Variants in RPL10 observed in about 807,000 individuals in gnomAD.
RPL10 encodes large ribosomal subunit protein uL16.
RPL10 carries 1 observed loss-of-function variant against 15.7 expected under a neutral mutation model. That is an observed-to-expected ratio of 0.06 (90% CI 0.02 to 0.30). The LOEUF (loss-of-function observed/expected upper bound fraction) is 0.30. Ranked by LOEUF, RPL10 falls within the 10% of genes least tolerant of loss-of-function variation. The pLI is 1.00. For synonymous variants in RPL10, 59 were observed against 64.0 expected (o/e 0.92, Z 0.37); for missense variants, 54 against 183.4 (o/e 0.29, Z 4.08).
intron 2 of RPL10, 25 bp downstream of exon 2, chrX:154,398,567 C>A: frequency 8.3e-7 from 1 of 1,210,394 alleles, no homozygotes; most frequent in Non-Finnish European, 1.1e-6. Flanking sequence ...CGTGTACTTT[C>A]ACTGCTGGGA....
chrX:154,398,457 G>A, intron 1 of RPL10, 40 bp from the exon 2 acceptor site: 1 of 1,197,922 alleles, frequency 8.3e-7, no homozygotes, highest in Non-Finnish European at 1.1e-6. Flanking sequence ...TTTTAGGTCT[G>A]TTCTCGTCTT....
Position 154,398,545 on chromosome X carries a change from G to A in RPL10, c.23+3G>A, listed in dbSNP as rs782609851. 2.5e-6 allele frequency: 3 copies of A among 1,211,461 alleles called. No homozygotes were observed. The South Asian group carries it at 5.3e-5, about 21-fold the overall frequency. On this transcript the variant is annotated splice_donor_region_variant and intron_variant, in intron 2 of 6. Coordinates refer to ENST00000369817, the MANE Select transcript of RPL10 (RefSeq NM_006013.5). ...ATGGGCCGCCGCCCCGCCCGTTGGT[G>A]AGTCTTGAATCCGTGTACTTTCACT... is the stretch of plus-strand genomic sequence containing the variant.
At chrX:154,399,964 A>G (rs1252439853) in intron 5 of RPL10, 23 bp downstream of exon 5, 9 of 1,208,344 alleles carry the variant, frequency 7.4e-6, no homozygotes, top group Middle Eastern at 4.6e-4. Flanking sequence ...TGGGCCTTTT[A>G]AGGCAGTTGG....
Position 154,402,003 on chromosome X carries a change from TCA to T in RPL10, c.*1154_*1155del, listed in dbSNP as rs2068051061. The T allele has an allele frequency of 8.9e-6, 1 of 111,906 alleles. No individual in the cohort carries two copies. Among genetic ancestry groups the T allele is most frequent in the African/African-American group, 3.3e-5 (1 of 30,645 alleles). 9.2% of individuals were successfully genotyped at this position (111,906 alleles called of 1,213,427 possible). A position where few individuals can be genotyped will look rare whatever the true frequency, so the allele number is the denominator to read the frequency against. ...CAGCCCCTTTCCGGGACACCTGGGT[TCA>T]CACAGCTTTTTAGCTTACATAACTG... On this transcript the variant is annotated 3_prime_UTR_variant, in exon 7 of 7. Coordinates refer to ENST00000369817, the MANE Select transcript of RPL10 (RefSeq NM_006013.5).
rs189433610 is a variant in RPL10 at position 154,400,953 on chromosome X, T to A, written c.*99T>A. 3.5e-3 allele frequency: 4,175 copies of A among 1,186,017 alleles called. 21 individuals carry two copies. Among genetic ancestry groups the A allele is most frequent in the Non-Finnish European group, 3.4e-3 (3,025 of 882,626 alleles). ...TCTACATTCTTGACGGGGAAGGAAC[T>A]TCCTCTGGGAACCTTTGGGTCATTG... is the stretch of plus-strand genomic sequence containing the variant. On this transcript the variant is annotated 3_prime_UTR_variant, in exon 7 of 7. Coordinates refer to ENST00000369817, the MANE Select transcript of RPL10 (RefSeq NM_006013.5).
At chrX:154,398,294 T>C (rs782612068), upstream of RPL10, 2 of 546,012 alleles carry the variant, frequency 3.7e-6, no homozygotes, top group Non-Finnish European at 6.6e-6. Context: ...TGACAGAGCG[T>C]CCACCCGTCT....
At chrX:154,398,212 C>T, upstream of RPL10, 1 of 473,626 alleles carries the variant, frequency 2.1e-6, no homozygotes, top group South Asian at 2.5e-5. Flanking sequence ...GGTCACCTCT[C>T]TGATCTGCGC....
rs2067975238 is a variant in RPL10, at chrX:154,399,325, C to T, written c.24-13C>T. The T allele has an allele frequency of 5.0e-6, 6 of 1,210,428 alleles. No homozygotes were observed. Among genetic ancestry groups the T allele is most frequent in the Admixed American group, 2.2e-5 (1 of 45,972 alleles). On this transcript the variant is annotated splice_polypyrimidine_tract_variant and intron_variant, in intron 2 of 6. Transcript: ENST00000369817. Reference sequence around the variant, plus strand: ...GAACCTCACCTAACCTGTGTTTTTTCACTCCCCTGCAGTTACCGGTATTGT... The same window carrying T: ...GAACCTCACCTAACCTGTGTTTTTTTACTCCCCTGCAGTTACCGGTATTGT...
At chrX:154,399,209 C>T (rs1232642004) in intron 2 of RPL10, 129 bp from the exon 3 acceptor site, 2 of 649,319 alleles carry the variant, frequency 3.1e-6, no homozygotes, top group South Asian at 2.2e-5. Context: ...CGAATGGAAA[C>T]GGTTTAGAAG....
At position 154,400,867 on chromosome X, in the gene RPL10, T is replaced by C; in HGVS notation, c.*13T>C. 2 of 1,211,513 alleles carry C rather than the reference T, an allele frequency of 1.7e-6. No homozygotes were observed. The highest frequency in any genetic ancestry group is 2.2e-6 in the Non-Finnish European group (2 of 895,390). On this transcript the variant is annotated 3_prime_UTR_variant, in exon 7 of 7. Transcript: ENST00000369817. ...CCTGCACTCATGAGGGCTTCCAATG[T>C]GCTGCCCCCCTCTTAATACTCACCA...
chrX:154,399,557 C>T lies in RPL10; in HGVS notation c.153C>T (p.His51=). 3 of 1,211,708 alleles carry T rather than the reference C, an allele frequency of 2.5e-6. No homozygotes were observed. Among genetic ancestry groups the T allele is most frequent in the Non-Finnish European group, 3.4e-6 (3 of 895,445 alleles). ...AKVDEFPLCG[H]MVSDEYEQLS... The stretch of plus-strand genomic sequence containing the variant: ...TGGATGAGTTTCCGCTTTGTGGCCA[C>T]ATGGTGTCAGATGAATATGAGCAGC... Residue 51 remains histidine, a synonymous_variant, in exon 4 of 7, where the codon CAC becomes CAT. Transcript: ENST00000369817.
At chrX:154,399,238 C>T (rs1339982840) in intron 2 of RPL10, 100 bp from the exon 3 acceptor site, 1 of 853,279 alleles carries the variant, frequency 1.2e-6, no homozygotes, top group Non-Finnish European at 1.8e-6. Flanking sequence ...CATTCCCCAC[C>T]CTTTTCCCGT....
chrX:154,398,893 GA>G, intron 2 of RPL10: 1 of 368,567 alleles, frequency 2.7e-6, no homozygotes. Flanking sequence ...GGCAGTCCGG[GA>G]AAAACGGGTG....
In RPL10 at chrX:154,402,231, A is replaced by T. The variant is rs2148147329; in HGVS notation, c.*1377A>T. The T allele has an allele frequency of 8.0e-6, 1 of 125,452 alleles. No homozygotes were observed. Among genetic ancestry groups the T allele is most frequent in the South Asian group, 2.6e-4 (1 of 3,840 alleles). The allele number at this position is 125,452 out of a possible 1,213,427, so 10.3% of individuals were successfully genotyped here. On this transcript the variant is annotated 3_prime_UTR_variant, in exon 7 of 7. Transcript: ENST00000369817. ...TCCCGGTGTTTGCTGGTTTCAGGGA[A>T]GGAGTTTGATATAGCAGATTAACCA...
rs781989682 is a variant in RPL10, at chrX:154,400,457, A to G, written c.330-7A>G. 15 of 1,198,236 alleles carry G rather than the reference A, an allele frequency of 1.3e-5. No individual in the cohort carries two copies. In the Admixed American group the frequency reaches 2.0e-4, roughly 16 times the overall value. ...CATGTTTCTGACCTTGCACTACCCC[A>G]ATGTAGGCTCCAAACAGGCATGCGA... On this transcript the variant is annotated splice_region_variant and splice_polypyrimidine_tract_variant and intron_variant, in intron 5 of 6. Coordinates refer to ENST00000369817, the MANE Select transcript of RPL10 (RefSeq NM_006013.5).
In RPL10 at chrX:154,399,347, T is replaced by C; in HGVS notation, c.33T>C (p.Tyr11=). Reference sequence around the variant, plus strand: ...TTTCACTCCCCTGCAGTTACCGGTATTGTAAGAACAAGCCGTACCCAAAGT... The same window carrying C: ...TTTCACTCCCCTGCAGTTACCGGTACTGTAAGAACAAGCCGTACCCAAAGT... The part of the protein sequence containing the change: MGRRPARCYR[Y]CKNKPYPKSR... Residue 11 remains tyrosine (Y), a synonymous_variant, in exon 3 of 7, where the codon TAT becomes TAC. Transcript: ENST00000369817. The C allele has an allele frequency of 8.3e-7, 1 of 1,211,349 alleles. No individual in the cohort carries two copies. The highest frequency in any genetic ancestry group is 1.7e-5 in the African/African-American group (1 of 57,700).
In RPL10 at chrX:154,400,955, C is replaced by T. The variant is rs369038921; in HGVS notation, c.*101C>T. On this transcript the variant is annotated 3_prime_UTR_variant, in exon 7 of 7. Coordinates refer to ENST00000369817, the MANE Select transcript of RPL10 (RefSeq NM_006013.5). ...TACATTCTTGACGGGGAAGGAACTT[C>T]CTCTGGGAACCTTTGGGTCATTGCC... The T allele has an allele frequency of 5.9e-6, 7 of 1,184,193 alleles. No individual in the cohort carries two copies. In the Admixed American group the frequency reaches 7.1e-5, roughly 12 times the overall value.
In RPL10 at chrX:154,398,600, T is replaced by C. The variant is rs921718189; in HGVS notation, c.23+58T>C. 3.3e-4 allele frequency: 388 copies of C among 1,185,679 alleles called. 2 individuals are homozygous for C. The highest frequency in any genetic ancestry group is 5.6e-5 in the Non-Finnish European group (49 of 874,945). On this transcript the variant is annotated intron_variant, in intron 2 of 6. Transcript: ENST00000369817. ...GGAAACGGGCGGGGAAAGAAGTGCCTATGGCCGCTGAAAACAATTGTGGGG... is the reference window on the plus strand; with the variant it reads ...GGAAACGGGCGGGGAAAGAAGTGCCCATGGCCGCTGAAAACAATTGTGGGG...
chrX:154,399,514 G>C lies in RPL10; in HGVS notation c.110G>C (p.Gly37Ala). 1 of 1,211,429 alleles carries C rather than the reference G, an allele frequency of 8.3e-7. No individual in the cohort carries two copies. Among genetic ancestry groups the C allele is most frequent in the Non-Finnish European group, 1.1e-6 (1 of 895,434 alleles). Residue 37 changes from glycine (G) to alanine (A), a missense_variant, in exon 4 of 7, where the codon GGG (glycine) becomes GCG (alanine). By Grantham distance (60) the Gly-to-Ala change is moderately conservative. Coordinates refer to ENST00000369817, the MANE Select transcript of RPL10 (RefSeq NM_006013.5). ...GCCAAGATTCGCATTTTTGACCTGG[G>C]GCGGAAAAAGGCAAAAGTGGATGAG... ...PDAKIRIFDL[G>A]RKKAKVDEFP...
Sources: gnomAD v4.1 joint callset for allele counts on GRCh38, gnomAD v4.1.1 for gene constraint, MANE v1.5 for transcripts, NCBI Gene and HGNC (gene_info 2026-07-23, HGNC 2026-07-21) for gene names.